The following CNTN3 variants were observed in gnomAD, a reference collection of about 807,000 sequenced individuals.
CNTN3 encodes contactin-3.
Under a neutral mutation model 119.1 loss-of-function variants are expected in CNTN3, and 60 were observed. That is an observed-to-expected ratio of 0.50 (90% CI 0.41 to 0.62). The LOEUF (loss-of-function observed/expected upper bound fraction) is 0.62, where lower values mean the gene tolerates loss of function less well. CNTN3 is among the 20% of genes least tolerant of loss of function. The pLI, the probability that CNTN3 is intolerant of heterozygous loss-of-function variation, is 0.00. For missense variants in CNTN3, 1,101 were observed against 1,242.4 expected, an observed-to-expected ratio of 0.89 and a Z score of 1.71; for synonymous variants, 450 against 438.7, an observed-to-expected ratio of 1.03 and a Z score of -0.32.
At chr3:74,438,875 T>C (rs1395342686) in intron 4 of CNTN3, among the ~76,000 whole-genome samples, 1 of 152,146 alleles carries the variant, frequency 6.6e-6, no homozygotes, top group Non-Finnish European at 1.5e-5. Flanking sequence ...ATAAATAAAT[T>C]AGCACATGCA....
intron 5 of CNTN3, among the ~76,000 whole-genome samples, chr3:74,406,889 T>A (rs1200477407): frequency 6.6e-6 from 1 of 152,170 alleles, no homozygotes; most frequent in Non-Finnish European, 1.5e-5. Flanking sequence ...ATAGGAGACT[T>A]CAGCAGAGGA....
At chr3:74,342,370 G>A (rs1175291847) in intron 11 of CNTN3, among the ~76,000 whole-genome samples, 1 of 152,118 alleles carries the variant, frequency 6.6e-6, no homozygotes, top group Non-Finnish European at 1.5e-5. Flanking sequence ...GGGCTTTCAT[G>A]TTATAAATTC....
In CNTN3 at chr3:74,614,444, GCCGCCGCCGCCGCCGCCGCCA is replaced by G. The variant is rs1315937076; in HGVS notation, c.-155_-135del. ...CCCCGACGGCCCACTCGCCGCCGCC[GCCGCCGCCGCCGCCGCCGCCA>G]CCGCCGCCGCCGCAGTTAGTCCGGG... On this transcript the variant is annotated 5_prime_UTR_variant, in exon 1 of 23. Coordinates refer to ENST00000263665, the MANE Select transcript of CNTN3 (RefSeq NM_020872.3). 1.9e-4 allele frequency among the ~76,000 whole-genome samples: 26 copies of G among 137,520 alleles called. 1 individual carries two copies. The highest frequency in any genetic ancestry group is 7.9e-4 in the East Asian group (4 of 5,032). 90.2% of individuals were successfully genotyped at this position (137,520 alleles called of 152,430 possible). A position where few individuals can be genotyped will look rare whatever the true frequency, so the allele number is the denominator to read the frequency against.
chr3:74,383,061 C>A (rs1417060080), intron 5 of CNTN3, among the ~76,000 whole-genome samples: 1 of 152,176 alleles, frequency 6.6e-6, no homozygotes, highest in Non-Finnish European at 1.5e-5. Context: ...AATTCAGAGT[C>A]TCTTTCACAA....
At chr3:74,556,365 T>C (rs1294305873) in intron 1 of CNTN3, among the ~76,000 whole-genome samples, 1 of 152,196 alleles carries the variant, frequency 6.6e-6, no homozygotes, top group Non-Finnish European at 1.5e-5. Context: ...TATGGATTTG[T>C]TTATTCTGGG....
intron 4 of CNTN3, among the ~76,000 whole-genome samples, chr3:74,473,570 T>C (rs1461398266): frequency 6.6e-6 from 1 of 152,230 alleles, no homozygotes; most frequent in African/African-American, 2.4e-5. Flanking sequence ...ATTGAACAAA[T>C]ATTGAATGAG....
chr3:74,312,435 GAC>G (rs1702710903), intron 13 of CNTN3, among the ~76,000 whole-genome samples: 1 of 118,340 alleles, frequency 8.5e-6, no homozygotes, highest in Non-Finnish European at 1.6e-5. Flanking sequence ...CAGCCTGGGT[GAC>G]AGAGTGAGAC....
chr3:74,282,169 T>C (rs1702026736), intron 20 of CNTN3, among the ~76,000 whole-genome samples: 1 of 152,198 alleles, frequency 6.6e-6, no homozygotes, highest in Admixed American at 6.5e-5. Flanking sequence ...AGTGTTTAAC[T>C]TAAAAATGCT....
rs9859540 is a variant in CNTN3 at position 74,364,633 on chromosome 3, C to T, written c.1084-37G>A. The stretch of plus-strand genomic sequence containing the variant: ...TAAAAATATCTTTCATATAAACAAA[C>T]ATACCACTTTAGAATAAAAATGAAC... On this transcript the variant is annotated intron_variant, in intron 9 of 22. Transcript: ENST00000263665. 8,040 of 1,529,756 alleles carry T rather than the reference C, an allele frequency of 5.3e-3. 344 individuals are homozygous for T. The African/African-American group carries it at 0.095, about 18-fold the overall frequency. The allele number at this position is 1,529,756 out of a possible 1,614,324, so 94.8% of individuals were successfully genotyped here.
rs1240244431 is a variant in CNTN3 at position 74,285,404 on chromosome 3, G to C, written c.2605C>G (p.Leu869Val). ...GTGTAATAGGCCAGGTTGCTCTTCAGGCCCCGTAGTCTGGCTGATGTCTCA... is the reference window on the plus strand; with the variant it reads ...GTGTAATAGGCCAGGTTGCTCTTCACGCCCCGTAGTCTGGCTGATGTCTCA... ...GNETSARLRG[L>V]KSNLAYYTAV... Residue 869 changes from leucine to valine, a missense_variant, in exon 20 of 23, where the codon CTG (leucine) becomes GTG (valine). Transcript: ENST00000263665. 1 of 1,613,464 alleles carries C rather than the reference G, an allele frequency of 6.2e-7. No homozygotes were observed. The highest frequency in any genetic ancestry group is 8.5e-7 in the Non-Finnish European group (1 of 1,179,758).
chr3:74,592,527 A>C (rs780888737), intron 1 of CNTN3, among the ~76,000 whole-genome samples: 4 of 151,850 alleles, frequency 2.6e-5, no homozygotes, highest in Admixed American at 6.6e-5. Context: ...CTTACTTAAG[A>C]AGTCAAAAAG....
intron 4 of CNTN3, among the ~76,000 whole-genome samples, chr3:74,476,678 AT>A (rs1702661443): frequency 6.6e-6 from 1 of 152,196 alleles, no homozygotes; most frequent in Admixed American, 6.5e-5. Flanking sequence ...ACAAAGGAAA[AT>A]GAGAGAGGGG....
At chr3:74,499,033 T>G (rs1015495020) in intron 3 of CNTN3, among the ~76,000 whole-genome samples, 23 of 150,670 alleles carry the variant, frequency 1.5e-4, no homozygotes, top group Admixed American at 1.1e-3. Flanking sequence ...ATATCAATAT[T>G]TTTTTCTTAA....
intron 13 of CNTN3, among the ~76,000 whole-genome samples, chr3:74,329,344 A>G (rs1703207244): frequency 6.6e-6 from 1 of 152,196 alleles, no homozygotes; most frequent in African/African-American, 2.4e-5. Context: ...ACTTTTATCC[A>G]CAAACATTCT....
intron 13 of CNTN3, among the ~76,000 whole-genome samples, chr3:74,307,155 A>G (rs1459163902): frequency 6.6e-6 from 1 of 152,180 alleles, no homozygotes; most frequent in Non-Finnish European, 1.5e-5. Flanking sequence ...GAGTAACTCA[A>G]GAAGGAGAGC....
chr3:74,612,405 A>G (rs1159786457), intron 1 of CNTN3, among the ~76,000 whole-genome samples: 1 of 152,218 alleles, frequency 6.6e-6, no homozygotes, highest in Non-Finnish European at 1.5e-5. Context: ...TTTAAGGTAC[A>G]CTTGGGCTAT....
intron 4 of CNTN3, among the ~76,000 whole-genome samples, chr3:74,449,074 T>C (rs1187951678): frequency 2.0e-5 from 3 of 152,050 alleles, no homozygotes; most frequent in Admixed American, 2.0e-4. Context: ...GCTTGTCCTA[T>C]TTTATATTAA....
chr3:74,305,053 C>T (rs1020784005), intron 13 of CNTN3, among the ~76,000 whole-genome samples: 1 of 152,162 alleles, frequency 6.6e-6, no homozygotes, highest in Non-Finnish European at 1.5e-5. Context: ...CCATTGCTTG[C>T]TATGTTAGAT....
intron 17 of CNTN3, 103 bp downstream of exon 17, chr3:74,299,765 C>A: frequency 4.7e-6 from 4 of 850,788 alleles, no homozygotes; most frequent in Non-Finnish European, 7.3e-6. Flanking sequence ...ACACCCCCAG[C>A]ACTACCACCA....
Sources: allele counts gnomAD v4.1 joint callset (sites outside exome capture counted in the v4.1 genomes callset), GRCh38; gene constraint gnomAD v4.1.1; transcripts MANE v1.5; gene names NCBI Gene and HGNC (gene_info 2026-07-23, HGNC 2026-07-21).